The following OPCML variants were observed in gnomAD, a reference collection of about 807,000 sequenced individuals.
OPCML encodes the protein opioid binding protein/cell adhesion molecule like, also known as opioid-binding protein/cell adhesion molecule.
Under a neutral mutation model 37.8 loss-of-function variants are expected in OPCML, and 13 were observed. The ratio of observed to expected loss-of-function variants is 0.34; its 90% confidence interval spans 0.22 to 0.55. OPCML has a LOEUF of 0.55. Among genes scored for constraint, OPCML ranks in the 20% least tolerant of loss-of-function variants. OPCML has a pLI of 0.91. For synonymous variants in OPCML, 176 were observed against 168.8 expected, an observed-to-expected ratio of 1.04 and a Z score of -0.33; for missense variants, 341 against 435.6, an observed-to-expected ratio of 0.78 and a Z score of 1.93.
At chr11:133,458,548 CGT>C (rs554944082) in intron 1 of OPCML, among the ~76,000 whole-genome samples, 993 of 87,252 alleles carry the variant, frequency 0.011, 101 homozygotes, top group Non-Finnish European at 0.012. Context: ...CATATATACA[CGT>C]GTGTGTGTAT....
At chr11:132,531,434 A>G (rs1346539324) in intron 3 of OPCML, among the ~76,000 whole-genome samples, 2 of 152,210 alleles carry the variant, frequency 1.3e-5, no homozygotes, top group African/African-American at 2.4e-5. Context: ...AACCAACCTG[A>G]GTTGATGTCA....
intron 1 of OPCML, among the ~76,000 whole-genome samples, chr11:133,506,344 C>A (rs1262458481): frequency 6.6e-6 from 1 of 152,200 alleles, no homozygotes; most frequent in African/African-American, 2.4e-5. Context: ...GAGAGGGTTA[C>A]TTCCCTAGTG....
At chr11:133,106,329 C>T (rs1157539641) in intron 1 of OPCML, among the ~76,000 whole-genome samples, 2 of 152,226 alleles carry the variant, frequency 1.3e-5, no homozygotes, top group African/African-American at 4.8e-5. Context: ...GCAAGCATTG[C>T]ACCCATTTAG....
chr11:132,655,595 G>A (rs1204006701), intron 3 of OPCML, among the ~76,000 whole-genome samples: 5 of 152,224 alleles, frequency 3.3e-5, no homozygotes, highest in African/African-American at 7.2e-5. Flanking sequence ...GAAAGCACGC[G>A]AGGAGGGGAG....
chr11:133,127,632 C>CA (rs879535484), intron 1 of OPCML, among the ~76,000 whole-genome samples: 2,268 of 107,440 alleles, frequency 0.021, 20 homozygotes, highest in African/African-American at 0.048. Context: ...GGCTCTGTCT[C>CA]AAAAAAAAAA....
chr11:132,690,959 C>A (rs1436351955), intron 2 of OPCML, among the ~76,000 whole-genome samples: 4 of 152,172 alleles, frequency 2.6e-5, no homozygotes, highest in South Asian at 2.1e-4. Context: ...CTTTACGAAA[C>A]CTTTCAGGTT....
chr11:133,270,041 T>C (rs2136477731), intron 1 of OPCML, among the ~76,000 whole-genome samples: 1 of 152,354 alleles, frequency 6.6e-6, no homozygotes, highest in African/African-American at 2.4e-5. Flanking sequence ...GACATTGGAA[T>C]CTAATTCTCA....
intron 1 of OPCML, among the ~76,000 whole-genome samples, chr11:133,494,878 A>G (rs1947748033): frequency 6.6e-6 from 1 of 151,136 alleles, no homozygotes; most frequent in Admixed American, 6.5e-5. Flanking sequence ...TAATAATAAT[A>G]AAATAATAAA....
chr11:132,704,097 A>C lies in OPCML; in HGVS notation c.147-46778T>G, dbSNP rs552024692. On this transcript the variant is annotated intron_variant, in intron 2 of 7. Transcript: ENST00000524381. ...CCTGTGTCTGTTGGAGTTTGAAGCC[A>C]CATGGACTAGTGTAGTCCTGGAGAA... is the stretch of plus-strand genomic sequence containing the variant. Among the ~76,000 whole-genome samples the C allele has an allele frequency of 5.3e-5, 8 of 152,280 alleles. No homozygotes were observed. The East Asian group carries it at 1.5e-3, about 29-fold the overall frequency.
chr11:132,620,300 T>C (rs1463879157), intron 3 of OPCML, among the ~76,000 whole-genome samples: 1 of 152,208 alleles, frequency 6.6e-6, no homozygotes, highest in Non-Finnish European at 1.5e-5. Context: ...AGATAAGTTG[T>C]TTCTTTCTCA....
chr11:133,490,427 C>T lies in OPCML; in HGVS notation c.61+41837G>A, dbSNP rs538053228. Among the ~76,000 whole-genome samples the T allele has an allele frequency of 4.5e-4, 69 of 152,208 alleles. 1 individual carries two copies. The highest frequency in any genetic ancestry group is 1.7e-3 in the African/African-American group (69 of 41,530). On this transcript the variant is annotated intron_variant, in intron 1 of 7. Coordinates refer to ENST00000524381, the MANE Select transcript of OPCML (RefSeq NM_001012393.5). ...CTTTTGAATCTCATATTCTGTAAGA[C>T]ATAAATTGATACAGCCATCAGTGAA...
chr11:133,486,383 G>A (rs1947525840), intron 1 of OPCML, among the ~76,000 whole-genome samples: 1 of 152,192 alleles, frequency 6.6e-6, no homozygotes, highest in Non-Finnish European at 1.5e-5. Context: ...CCAAAGGGCT[G>A]AAGAATCTGT....
chr11:133,204,058 CAAAAAAAAAAAAAAAAA>C (rs58343203), intron 1 of OPCML, among the ~76,000 whole-genome samples: 1 of 66,496 alleles, frequency 1.5e-5, no homozygotes, highest in South Asian at 7.2e-4. Flanking sequence ...GACTCTGTCT[CAAAAAAAAAAAAAAAAA>C]AAAAAAAAAA....
intron 1 of OPCML, among the ~76,000 whole-genome samples, chr11:132,963,002 A>T (rs763361931): frequency 6.6e-6 from 1 of 152,092 alleles, no homozygotes; most frequent in Non-Finnish European, 1.5e-5. Context: ...GAATCTCTGA[A>T]TGGGGACCTG....
rs146484313 is a variant in OPCML at position 132,848,594 on chromosome 11, G to T, written c.146+94332C>A. Among the ~76,000 whole-genome samples the T allele has an allele frequency of 4.4e-3, 674 of 152,304 alleles. 4 individuals carry two copies. Among genetic ancestry groups the T allele is most frequent in the Middle Eastern group, 6.8e-3 (2 of 294 alleles). The stretch of plus-strand genomic sequence containing the variant: ...TTACCCATAATTTTTGTTAAAGCTA[G>T]AAAGGAAGAATTCATGACTGGACCA... On this transcript the variant is annotated intron_variant, in intron 2 of 7. Coordinates refer to ENST00000524381, the MANE Select transcript of OPCML (RefSeq NM_001012393.5).
chr11:133,225,562 G>A (rs1012871568), intron 1 of OPCML, among the ~76,000 whole-genome samples: 4 of 152,282 alleles, frequency 2.6e-5, no homozygotes, highest in South Asian at 2.1e-4. Context: ...TTCAGTAAGC[G>A]TAGCTGCCAT....
At chr11:133,419,427 A>C in intron 1 of OPCML, 1 of 664,118 alleles carries the variant, frequency 1.5e-6, no homozygotes, top group Non-Finnish European at 1.9e-6. Context: ...CCAATTACTA[A>C]ATACAACCAC....
intron 2 of OPCML, among the ~76,000 whole-genome samples, chr11:132,703,109 C>T (rs1302613814): frequency 6.6e-6 from 1 of 152,032 alleles, no homozygotes; most frequent in African/African-American, 2.4e-5. Context: ...AAGATATGTC[C>T]TGAGAAGTGT....
chr11:133,231,642 G>C (rs1940283902), intron 1 of OPCML, among the ~76,000 whole-genome samples: 1 of 152,152 alleles, frequency 6.6e-6, no homozygotes, highest in African/African-American at 2.4e-5. Flanking sequence ...AGCAGTAATT[G>C]AGACCTTAGG....
Sources: allele counts gnomAD v4.1 joint callset (sites outside exome capture counted in the v4.1 genomes callset), GRCh38; gene constraint gnomAD v4.1.1; transcripts MANE v1.5; gene names NCBI Gene and HGNC (gene_info 2026-07-23, HGNC 2026-07-21).